Variants in EXOC4 observed in about 807,000 individuals in gnomAD.
EXOC4 encodes SEC8-like 1.
Under a neutral mutation model 107.2 loss-of-function variants are expected in EXOC4, and 71 were observed. The ratio of observed to expected loss-of-function variants is 0.66; its 90% CI spans 0.55 to 0.81. EXOC4 has a LOEUF of 0.81. EXOC4 is among the 30% of genes least tolerant of loss of function. EXOC4 has a pLI of 0.00. For missense variants in EXOC4, 1,108 were observed against 1,189.6 expected (o/e 0.93, Z 1.01); for synonymous variants, 456 against 441.2 (o/e 1.03, Z -0.42).
intron 11 of EXOC4, among the ~76,000 whole-genome samples, chr7:133,865,716 G>A (rs1798623856): frequency 6.6e-6 from 1 of 152,162 alleles, no homozygotes; most frequent in African/African-American, 2.4e-5. Context: ...CCATTGCAGA[G>A]CAGGAGAGAG....
At chr7:133,898,745 C>CA (rs869131471) in intron 12 of EXOC4, among the ~76,000 whole-genome samples, 1,721 of 64,722 alleles carry the variant, frequency 0.027, 61 homozygotes, top group Middle Eastern at 0.037. Context: ...GACTCTGTCT[C>CA]AAAAAAAAAA....
chr7:133,521,630 T>C (rs144637815), intron 9 of EXOC4, among the ~76,000 whole-genome samples: 316 of 152,176 alleles, frequency 2.1e-3, no homozygotes, highest in Non-Finnish European at 3.4e-3. Flanking sequence ...GTTTGTTTGC[T>C]TGTTTTTTGA....
At chr7:133,658,240 A>G (rs907596518) in intron 10 of EXOC4, among the ~76,000 whole-genome samples, 10 of 152,194 alleles carry the variant, frequency 6.6e-5, no homozygotes, top group African/African-American at 1.9e-4. Context: ...AAGATCTACC[A>G]GATTATGCCA....
At chr7:133,328,174 A>G (rs1795293006) in intron 5 of EXOC4, among the ~76,000 whole-genome samples, 1 of 151,568 alleles carries the variant, frequency 6.6e-6, no homozygotes, top group Non-Finnish European at 1.5e-5. Context: ...TGATCCCTTT[A>G]CCAATATGTA....
At chr7:133,657,612 T>G (rs10265735) in intron 10 of EXOC4, among the ~76,000 whole-genome samples, 150,155 of 152,184 alleles carry the variant, frequency 0.99, 74,117 homozygotes, top group Middle Eastern at 1. Flanking sequence ...TTGGTTGAGT[T>G]TGGGCTCAGC....
At chr7:133,483,444 CAG>C (rs1799201614) in intron 9 of EXOC4, among the ~76,000 whole-genome samples, 1 of 152,158 alleles carries the variant, frequency 6.6e-6, no homozygotes, top group Non-Finnish European at 1.5e-5. Flanking sequence ...ATCTAAGTGA[CAG>C]AGGAATTTTA....
chr7:133,608,625 C>CTGCA (rs1802008015), intron 9 of EXOC4, among the ~76,000 whole-genome samples: 1 of 134,056 alleles, frequency 7.5e-6, no homozygotes, highest in African/African-American at 2.8e-5. Flanking sequence ...TCTTGGCTTA[C>CTGCA]TGCAGCCTCT....
intron 9 of EXOC4, among the ~76,000 whole-genome samples, chr7:133,610,511 A>G (rs1391500314): frequency 3.3e-5 from 5 of 152,202 alleles, no homozygotes; most frequent in African/African-American, 9.7e-5. Context: ...ACCACAGAAT[A>G]TAATTTTAAC....
At chr7:133,729,427 C>G (rs1795280840) in intron 10 of EXOC4, among the ~76,000 whole-genome samples, 1 of 152,036 alleles carries the variant, frequency 6.6e-6, no homozygotes, top group South Asian at 2.1e-4. Flanking sequence ...ACCTAATATA[C>G]AAATCTTGCA....
intron 3 of EXOC4, among the ~76,000 whole-genome samples, chr7:133,304,833 A>G (rs939729119): frequency 2.6e-5 from 4 of 152,202 alleles, no homozygotes; most frequent in African/African-American, 9.6e-5. Flanking sequence ...ATCTGTACCT[A>G]TTAGGAATAT....
intron 10 of EXOC4, among the ~76,000 whole-genome samples, chr7:133,739,510 G>A (rs906198469): frequency 6.6e-6 from 1 of 152,136 alleles, no homozygotes; most frequent in African/African-American, 2.4e-5. Context: ...TGTAGGAGAA[G>A]CATCATGGAG....
intron 9 of EXOC4, among the ~76,000 whole-genome samples, chr7:133,513,604 G>A (rs1799816051): frequency 6.6e-6 from 1 of 152,070 alleles, no homozygotes; most frequent in Non-Finnish European, 1.5e-5. Flanking sequence ...GGTCTGATTT[G>A]TATTTAATTT....
chr7:133,411,128 G>A (rs139351865), intron 7 of EXOC4, among the ~76,000 whole-genome samples: 3 of 152,154 alleles, frequency 2.0e-5, no homozygotes, highest in Admixed American at 6.5e-5. Context: ...AACTTTGGCC[G>A]CTTTTTTAAT....
At chr7:134,045,106 G>A (rs1169559554) in intron 17 of EXOC4, among the ~76,000 whole-genome samples, 6 of 152,196 alleles carry the variant, frequency 3.9e-5, no homozygotes, top group Non-Finnish European at 5.9e-5. Context: ...CTGGTATATA[G>A]TAAGTGTTAA....
chr7:133,415,152 A>G (rs948440870), intron 7 of EXOC4, among the ~76,000 whole-genome samples: 11 of 151,214 alleles, frequency 7.3e-5, no homozygotes, highest in Non-Finnish European at 1.0e-4. Flanking sequence ...TTGTATAGAT[A>G]TACCACATTC....
chr7:134,082,063 C>T, the EXOC4 span, among the ~76,000 whole-genome samples: 1 of 152,062 alleles, frequency 6.6e-6, no homozygotes, highest in South Asian at 2.1e-4. Context: ...GGATCTCACA[C>T]AAGAAAGAAT....
chr7:133,496,568 C>T (rs1799480591), intron 9 of EXOC4, among the ~76,000 whole-genome samples: 2 of 152,184 alleles, frequency 1.3e-5, no homozygotes, highest in Non-Finnish European at 2.9e-5. Flanking sequence ...GCTTTTCTTA[C>T]TAGAAATCAC....
chr7:133,548,130 C>T (rs1800518420), intron 9 of EXOC4, among the ~76,000 whole-genome samples: 1 of 151,906 alleles, frequency 6.6e-6, no homozygotes, highest in Non-Finnish European at 1.5e-5. Flanking sequence ...GTTTTTATGT[C>T]AACAGTGTTG....
chr7:133,959,835 T>G (rs1280820977), intron 14 of EXOC4, among the ~76,000 whole-genome samples: 1 of 150,548 alleles, frequency 6.6e-6, no homozygotes, highest in Non-Finnish European at 1.5e-5. Flanking sequence ...AGAAAATTGA[T>G]TTTCAACCTA....
Sources: gnomAD v4.1 joint callset for allele counts (sites outside exome capture counted in the v4.1 genomes callset) on GRCh38, gnomAD v4.1.1 for gene constraint, MANE v1.5 for transcripts, NCBI Gene and HGNC (gene_info 2026-07-23, HGNC 2026-07-21) for gene names.